B3GNT2: variants seen among roughly 807,000 people sequenced by gnomAD.
B3GNT2 encodes UDP-GlcNAc:betaGal beta-1,3-N-acetylglucosaminyltransferase 2, also known as N-acetyllactosaminide beta-1,3-N-acetylglucosaminyltransferase 2.
Under a neutral mutation model 27.6 loss-of-function variants are expected in B3GNT2, and 12 were observed. The ratio of observed to expected loss-of-function variants is 0.44; its 90% confidence interval spans 0.28 to 0.71. The LOEUF is 0.71. Ranked by LOEUF, B3GNT2 falls within the 30% of genes least tolerant of loss-of-function variation. B3GNT2 has a pLI of 0.17. For missense variants in B3GNT2, 413 were observed against 488.5 expected (o/e 0.85, Z 1.46); for synonymous variants, 192 against 189.7 (o/e 1.01, Z -0.10).
Position 62,196,151 on chromosome 2 carries a change from GCAA to G in B3GNT2, c.-210_-208del, listed in dbSNP as rs1003038158. ...AGGCGCAGCGGCAGCGGCAGCAGCG[GCAA>G]CAAGTGCCGGAGGCTAGCAGAGCCA... On this transcript the variant is annotated 5_prime_UTR_variant, in exon 1 of 2. Transcript: ENST00000301998. 1 of 151,750 alleles carries G rather than the reference GCAA, an allele frequency of 6.6e-6. No homozygotes were observed. The highest frequency in any genetic ancestry group is 1.5e-5 in the Non-Finnish European group (1 of 67,912). 9.4% of individuals were successfully genotyped at this position (151,750 alleles called of 1,614,324 possible). A position where few individuals can be genotyped will look rare whatever the true frequency, so the allele number is the denominator to read the frequency against.
At chr2:62,201,384 A>C (rs1674260872) in intron 1 of B3GNT2, among the ~76,000 whole-genome samples, 1 of 152,198 alleles carries the variant, frequency 6.6e-6, no homozygotes, top group African/African-American at 2.4e-5. Context: ...CTTGTGGAAG[A>C]GTTTAGTTTG....
At chr2:62,206,016 G>A (rs1674368519) in intron 1 of B3GNT2, 1 of 154,328 alleles carries the variant, frequency 6.5e-6, no homozygotes, top group Non-Finnish European at 1.5e-5. Flanking sequence ...ATTTGAACCT[G>A]GGCCTTCAAG....
intron 1 of B3GNT2, among the ~76,000 whole-genome samples, chr2:62,211,318 T>C (rs780334871): frequency 6.6e-6 from 1 of 152,154 alleles, no homozygotes; most frequent in Admixed American, 6.5e-5. Context: ...ATTGCGCCAC[T>C]GCACTTCAAC....
In B3GNT2 at chr2:62,224,583, T is replaced by C. The variant is rs554421380; in HGVS notation, c.*1169T>C. On this transcript the variant is annotated 3_prime_UTR_variant, in exon 2 of 2. Coordinates refer to ENST00000301998, the MANE Select transcript of B3GNT2 (RefSeq NM_006577.6). Reference sequence around the variant, plus strand: ...TTTGTTTTTTGGGGGTATGAACTACTAGAGTTTAAAATTCTGCCAAACTAT... The same window carrying C: ...TTTGTTTTTTGGGGGTATGAACTACCAGAGTTTAAAATTCTGCCAAACTAT... The C allele has an allele frequency of 3.0e-5, 5 of 167,234 alleles. No homozygotes were observed. Among genetic ancestry groups the C allele is most frequent in the African/African-American group, 7.2e-5 (3 of 41,574 alleles). 10.4% of individuals were successfully genotyped at this position (167,234 alleles called of 1,614,324 possible).
intron 1 of B3GNT2, among the ~76,000 whole-genome samples, chr2:62,210,208 G>A (rs980040314): frequency 2.0e-5 from 3 of 152,180 alleles, no homozygotes; most frequent in Non-Finnish European, 4.4e-5. Context: ...TCCTCCTCGA[G>A]CAACGGTATT....
At chr2:62,216,124 A>G (rs1029208200) in intron 1 of B3GNT2, among the ~76,000 whole-genome samples, 1 of 152,062 alleles carries the variant, frequency 6.6e-6, no homozygotes, top group Non-Finnish European at 1.5e-5. Flanking sequence ...GCCACATTCA[A>G]ATGTTTTCTG....
At chr2:62,215,398 T>C (rs1394361980) in intron 1 of B3GNT2, 1 of 152,236 alleles carries the variant, frequency 6.6e-6, no homozygotes, top group East Asian at 1.9e-4. Flanking sequence ...CAGGCCTCTT[T>C]CCGCAATCAA....
intron 1 of B3GNT2, among the ~76,000 whole-genome samples, chr2:62,211,327 A>T (rs564732240): frequency 1.1e-4 from 16 of 151,888 alleles, no homozygotes; most frequent in Non-Finnish European, 2.1e-4. Context: ...CTGCACTTCA[A>T]CCTGGGTGAC....
At chr2:62,202,898 A>G (rs1562745) in intron 1 of B3GNT2, among the ~76,000 whole-genome samples, 116,779 of 151,974 alleles carry the variant, frequency 0.77, 44,995 homozygotes, top group Middle Eastern at 0.86. Context: ...CTCCAGGCAC[A>G]AGGCCCCCAG....
intron 1 of B3GNT2, among the ~76,000 whole-genome samples, chr2:62,202,901 G>A (rs1446443561): frequency 6.6e-6 from 1 of 152,030 alleles, no homozygotes; most frequent in Non-Finnish European, 1.5e-5. Context: ...CAGGCACAAG[G>A]CCCCCAGCTT....
At chr2:62,207,944 A>G (rs531776305) in intron 1 of B3GNT2, among the ~76,000 whole-genome samples, 4 of 152,256 alleles carry the variant, frequency 2.6e-5, no homozygotes, top group Admixed American at 2.0e-4. Flanking sequence ...TTAAAATTTG[A>G]AATTTCTGCT....
chr2:62,215,249 C>A lies in B3GNT2; in HGVS notation c.-9-6963C>A, dbSNP rs568179037. ...AAAAGTAATGGCTGGGAACCAAATT[C>A]CTTAAATCTAGCTGACAATAGTTCT... On this transcript the variant is annotated intron_variant, in intron 1 of 1. Coordinates refer to ENST00000301998, the MANE Select transcript of B3GNT2 (RefSeq NM_006577.6). Among the ~76,000 whole-genome samples the A allele has an allele frequency of 2.6e-5, 4 of 152,272 alleles. No homozygotes were observed. The East Asian group carries it at 7.7e-4, about 29-fold the overall frequency.
chr2:62,222,761 C>A lies in B3GNT2; in HGVS notation c.541C>A (p.Leu181Met). 6.2e-7 allele frequency: 1 copy of A among 1,614,200 alleles called. No individual in the cohort carries two copies. The highest frequency in any genetic ancestry group is 8.5e-7 in the Non-Finnish European group (1 of 1,180,040). The part of the protein sequence containing the change: ...AGNQTVVRVF[L>M]LGQTPPEDNH... ...GAACCAAACGGTGGTGCGAGTCTTC[C>A]TGCTGGGCCAGACACCCCCAGAGGA... Residue 181 changes from leucine (L) to methionine (M), a missense_variant, in exon 2 of 2, where the codon CTG (leucine) becomes ATG (methionine). Transcript: ENST00000301998. This position sits in a 1 kb window ranked among gnomAD's most constrained non-coding sequence, Gnocchi z 4.2.
chr2:62,203,692 G>A (rs1674314245), intron 1 of B3GNT2, among the ~76,000 whole-genome samples: 1 of 152,138 alleles, frequency 6.6e-6, no homozygotes, highest in South Asian at 2.1e-4. Context: ...GGGAGAGGCT[G>A]AAGATGGGGG....
intron 1 of B3GNT2, among the ~76,000 whole-genome samples, chr2:62,200,355 C>T (rs2104182159): frequency 6.6e-6 from 1 of 152,210 alleles, no homozygotes; most frequent in East Asian, 1.9e-4. Flanking sequence ...GAAATTGATA[C>T]TTTCTACTTT....
In B3GNT2 at chr2:62,223,153, C is replaced by T. The variant is rs1343902778; in HGVS notation, c.933C>T (p.Tyr311=). 6.2e-7 allele frequency: 1 copy of T among 1,614,100 alleles called. No individual in the cohort carries two copies. Among genetic ancestry groups the T allele is most frequent in the African/African-American group, 1.3e-5 (1 of 74,940 alleles). ...PPYAGGGGFL[Y]SGHLALRLYH... Reference sequence around the variant, plus strand: ...ATGCAGGGGGAGGGGGGTTCCTCTACTCCGGCCACCTGGCCCTGAGGCTGT... The same window carrying T: ...ATGCAGGGGGAGGGGGGTTCCTCTATTCCGGCCACCTGGCCCTGAGGCTGT... Residue 311 remains tyrosine, a synonymous_variant, in exon 2 of 2, where the codon TAC becomes TAT. Transcript: ENST00000301998.
chr2:62,204,603 C>T (rs1674332821), intron 1 of B3GNT2, among the ~76,000 whole-genome samples: 1 of 152,158 alleles, frequency 6.6e-6, no homozygotes, highest in Non-Finnish European at 1.5e-5. Flanking sequence ...TTATGGTTGT[C>T]TTTGAAGCTT....
Position 62,222,927 on chromosome 2 carries a change from C to A in B3GNT2, c.707C>A (p.Pro236Gln). ...LFLRWVSTSC[P>Q]DTEFVFKGDD... ...CTCAGGTGGGTAAGTACTTCCTGCC[C>A]AGACACTGAGTTTGTTTTCAAGGGC... Residue 236 changes from proline (P) to glutamine (Q), a missense_variant, in exon 2 of 2, where the codon CCA becomes CAA. Coordinates refer to ENST00000301998, the MANE Select transcript of B3GNT2 (RefSeq NM_006577.6). This position sits in a 1 kb window ranked among gnomAD's most constrained non-coding sequence, Gnocchi z 4.2. 1 of 1,614,162 alleles carries A rather than the reference C, an allele frequency of 6.2e-7. No individual in the cohort carries two copies. The highest frequency in any genetic ancestry group is 8.5e-7 in the Non-Finnish European group (1 of 1,180,026).
chr2:62,201,630 A>G (rs996136715), intron 1 of B3GNT2, among the ~76,000 whole-genome samples: 3 of 152,182 alleles, frequency 2.0e-5, no homozygotes, highest in Non-Finnish European at 2.9e-5. Context: ...CATTCTGCAA[A>G]TGTAACTTGG....
Sources: gnomAD v4.1 joint callset for allele counts (sites outside exome capture counted in the v4.1 genomes callset) on GRCh38, gnomAD v4.1.1 for gene constraint, Gnocchi (gnomAD v3.1) non-coding constraint, MANE v1.5 for transcripts, NCBI Gene and HGNC (gene_info 2026-07-23, HGNC 2026-07-21) for gene names.